The following TMEM86A variants were observed in gnomAD, a reference collection of about 807,000 sequenced individuals.
TMEM86A encodes lysoplasmalogenase TMEM86A.
TMEM86A carries 13 observed loss-of-function variants against 19.8 expected under a neutral mutation model. The observed-to-expected ratio is 0.66, with a 90% confidence interval of 0.43 to 1.04. The LOEUF is 1.04. Among genes scored for constraint, TMEM86A ranks in the 50% least tolerant of loss-of-function variants. The pLI is 0.00. For missense variants in TMEM86A, 248 were observed against 306.8 expected (o/e 0.81, Z 1.43); for synonymous variants, 128 against 129.9 (o/e 0.99, Z 0.10).
At chr11:18,700,493 C>A in intron 1 of TMEM86A, 1 of 180,866 alleles carries the variant, frequency 5.5e-6, no homozygotes, top group Non-Finnish European at 1.2e-5. Flanking sequence ...CTGGCACACA[C>A]CTGGTGTTGC....
Position 18,701,097 on chromosome 11 carries a change from GCT to G in TMEM86A, c.187_188del (p.Leu63GlyfsTer19). The G allele has an allele frequency of 6.2e-7, 1 of 1,614,104 alleles. No homozygotes were observed. Among genetic ancestry groups the G allele is most frequent in the Non-Finnish European group, 8.5e-7 (1 of 1,180,038 alleles). On this transcript the variant is annotated frameshift_variant, in exon 2 of 3. Coordinates refer to ENST00000280734, the MANE Select transcript of TMEM86A (RefSeq NM_153347.3). LOFTEE classifies it high-confidence loss of function. This position sits in a 1 kb window ranked among gnomAD's most constrained non-coding sequence, Gnocchi z 5.3. ...FLLAHGLGFLLAHPSATRIFV... is the reference protein window; with the variant it reads ...FLLAHGLGFLXAHPSATRIFV... ...TTCTGGCCCATGGCCTGGGATTCCT[GCT>G]GGCCCACCCCAGCGCCACCCGCATC...
Position 18,703,811 on chromosome 11 carries a change from G to C in TMEM86A, c.*1802G>C, listed in dbSNP as rs943484609. ...TTTTACAGAGATTCCTGGTAAGGGG[G>C]TAGTGAAGGAATAATGAGAGAAGGC... On this transcript the variant is annotated 3_prime_UTR_variant, in exon 3 of 3. Transcript: ENST00000280734. 3.3e-5 allele frequency: 5 copies of C among 152,192 alleles called. No homozygotes were observed. Among genetic ancestry groups the C allele is most frequent in the Non-Finnish European group, 5.9e-5 (4 of 68,028 alleles). The allele number at this position is 152,192 out of a possible 1,614,324, so 9.4% of individuals were successfully genotyped here. A position where few individuals can be genotyped will look rare whatever the true frequency, so the allele number is the denominator to read the frequency against.
In TMEM86A at chr11:18,701,217, G is replaced by A. The variant is rs1421670064; in HGVS notation, c.286+20G>A. 10 of 1,609,068 alleles carry A rather than the reference G, an allele frequency of 6.2e-6. No homozygotes were observed. Among genetic ancestry groups the A allele is most frequent in the Non-Finnish European group, 8.5e-6 (10 of 1,176,904 alleles). On this transcript the variant is annotated intron_variant, in intron 2 of 2. Transcript: ENST00000280734. This position sits in a 1 kb window ranked among gnomAD's most constrained non-coding sequence, Gnocchi z 5.3. ...TGCATGGTCAGTGGCCATAGTAGTT[G>A]CCTGGGAGGAGTCCTGGGGCTGGGG... is the stretch of plus-strand genomic sequence containing the variant.
At chr11:18,700,020 C>G (rs915613651) in intron 1 of TMEM86A, 14 of 152,396 alleles carry the variant, frequency 9.2e-5, no homozygotes, top group African/African-American at 3.1e-4. Context: ...CCCCCTCCCC[C>G]AGCTTGGACT....
intron 1 of TMEM86A, chr11:18,700,634 G>A (rs72880713): frequency 6.3e-6 from 3 of 477,082 alleles, no homozygotes; most frequent in Non-Finnish European, 1.1e-5. Flanking sequence ...TGGCAGAGAG[G>A]AGGGGCTAAA....
rs1438122068 is a variant in TMEM86A, at chr11:18,699,798, A to G, written c.21+891A>G. The G allele has an allele frequency of 6.6e-6, 1 of 152,314 alleles. No individual in the cohort carries two copies. The highest frequency in any genetic ancestry group is 1.5e-5 in the Non-Finnish European group (1 of 68,204). 9.4% of individuals were successfully genotyped at this position (152,314 alleles called of 1,614,324 possible). On this transcript the variant is annotated intron_variant, in intron 1 of 2. Transcript: ENST00000280734. This position sits in a 1 kb window ranked among gnomAD's most constrained non-coding sequence, Gnocchi z 4.0. ...CCGCCTCTTCCCAATCCTCCTCATC[A>G]CAGTCTGATCAGTCCTTAGGTACCT...
chr11:18,702,324 C>T lies in TMEM86A; in HGVS notation c.*315C>T, dbSNP rs910671718. Reference sequence around the variant, plus strand: ...TGGTGCTCAGCTTCTTGACACCCCCCCACCCACTTCCCCTACCAGGTGGAA... The same window carrying T: ...TGGTGCTCAGCTTCTTGACACCCCCTCACCCACTTCCCCTACCAGGTGGAA... On this transcript the variant is annotated 3_prime_UTR_variant, in exon 3 of 3. Coordinates refer to ENST00000280734, the MANE Select transcript of TMEM86A (RefSeq NM_153347.3). 10 of 408,312 alleles carry T rather than the reference C, an allele frequency of 2.4e-5. No homozygotes were observed. The highest frequency in any genetic ancestry group is 2.0e-4 in the African/African-American group (10 of 49,430). The allele number at this position is 408,312 out of a possible 1,614,324, so 25.3% of individuals were successfully genotyped here.
In TMEM86A at chr11:18,701,799, C is replaced by T. The variant is rs755020443; in HGVS notation, c.513C>T (p.Asp171=). Residue 171 remains aspartate, a synonymous_variant, in exon 3 of 3, where the codon GAC becomes GAT. Transcript: ENST00000280734. This position sits in a 1 kb window ranked among gnomAD's most constrained non-coding sequence, Gnocchi z 5.3. ...AMAGLRLAGA[D]WRWTELAAGS... ...CAGGGCTGCGGCTGGCCGGGGCAGA[C>T]TGGCGCTGGACAGAGCTGGCAGCTG... 1 of 1,614,156 alleles carries T rather than the reference C, an allele frequency of 6.2e-7. No homozygotes were observed. Among genetic ancestry groups the T allele is most frequent in the East Asian group, 2.2e-5 (1 of 44,888 alleles).
chr11:18,703,900 T>G lies in TMEM86A; in HGVS notation c.*1891T>G, dbSNP rs1383646938. The G allele has an allele frequency of 6.6e-6, 1 of 152,328 alleles. No homozygotes were observed. Among genetic ancestry groups the G allele is most frequent in the Non-Finnish European group, 1.5e-5 (1 of 68,160 alleles). 9.4% of individuals were successfully genotyped at this position (152,328 alleles called of 1,614,324 possible). A position where few individuals can be genotyped will look rare whatever the true frequency, so the allele number is the denominator to read the frequency against. Reference sequence around the variant, plus strand: ...GCTTCTTAGGTTGTGTTTTTTTTTGTTTTGTTTTGTTTTGGAAGGATTCCA... The same window carrying G: ...GCTTCTTAGGTTGTGTTTTTTTTTGGTTTGTTTTGTTTTGGAAGGATTCCA... On this transcript the variant is annotated 3_prime_UTR_variant, in exon 3 of 3. Transcript: ENST00000280734.
rs757673198 is a variant in TMEM86A at position 18,701,209 on chromosome 11, T to C, written c.286+12T>C. 8 of 1,611,150 alleles carry C rather than the reference T, an allele frequency of 5.0e-6. No homozygotes were observed. Among genetic ancestry groups the C allele is most frequent in the Non-Finnish European group, 5.9e-6 (7 of 1,178,278 alleles). On this transcript the variant is annotated intron_variant, in intron 2 of 2. Coordinates refer to ENST00000280734, the MANE Select transcript of TMEM86A (RefSeq NM_153347.3). This position sits in a 1 kb window ranked among gnomAD's most constrained non-coding sequence, Gnocchi z 5.3. ...ATACTTCGTGCATGGTCAGTGGCCA[T>C]AGTAGTTGCCTGGGAGGAGTCCTGG...
chr11:18,704,307 C>T lies in TMEM86A; in HGVS notation c.*2298C>T, dbSNP rs1848179449. On this transcript the variant is annotated 3_prime_UTR_variant, in exon 3 of 3. Transcript: ENST00000280734. The stretch of plus-strand genomic sequence containing the variant: ...CCCTGCTGTATATCACCCTCAGGAA[C>T]GGGAAAGGATGAGTTACGTTTATTG... 13 of 620,876 alleles carry T rather than the reference C, an allele frequency of 2.1e-5. No individual in the cohort carries two copies. Among genetic ancestry groups the T allele is most frequent in the South Asian group, 5.4e-5 (3 of 55,416 alleles). 38.5% of individuals were successfully genotyped at this position (620,876 alleles called of 1,614,324 possible).
At position 18,701,428 on chromosome 11, in the gene TMEM86A, A is replaced by G; in HGVS notation, c.287-145A>G. ...CTGGGGTGGTGGTCTTTAACTTTAGATCTTCCTACCCCTGTTATCCCAAAG... is the reference window on the plus strand; with the variant it reads ...CTGGGGTGGTGGTCTTTAACTTTAGGTCTTCCTACCCCTGTTATCCCAAAG... On this transcript the variant is annotated intron_variant, in intron 2 of 2. Transcript: ENST00000280734. This position sits in a 1 kb window ranked among gnomAD's most constrained non-coding sequence, Gnocchi z 5.3. 9.6e-7 allele frequency: 1 copy of G among 1,043,204 alleles called. No homozygotes were observed. Among genetic ancestry groups the G allele is most frequent in the Non-Finnish European group, 1.4e-6 (1 of 726,476 alleles). 64.6% of individuals were successfully genotyped at this position (1,043,204 alleles called of 1,614,324 possible).
rs1254647191 is a variant in TMEM86A at position 18,702,051 on chromosome 11, G to A, written c.*42G>A. On this transcript the variant is annotated 3_prime_UTR_variant, in exon 3 of 3. Transcript: ENST00000280734. Reference sequence around the variant, plus strand: ...CACCCCTCTCTCCTCCTGGGGCTGGGGCCCAGATCCTGGGGACCTGCAGGA... The same window carrying A: ...CACCCCTCTCTCCTCCTGGGGCTGGAGCCCAGATCCTGGGGACCTGCAGGA... The A allele has an allele frequency of 6.3e-7, 1 of 1,586,156 alleles. No homozygotes were observed. Among genetic ancestry groups the A allele is most frequent in the Non-Finnish European group, 8.5e-7 (1 of 1,169,824 alleles).
In TMEM86A at chr11:18,698,884, G is replaced by GC; in HGVS notation, c.-1dup. ...CAGGGTGCCAGCCGCCGCCGCCGCC[G>GC]CCATGGTGTCCCCGGTCACTGTGGT... On this transcript the variant is annotated 5_prime_UTR_variant, in exon 1 of 3. Coordinates refer to ENST00000280734, the MANE Select transcript of TMEM86A (RefSeq NM_153347.3). 1.5e-6 allele frequency: 1 copy of GC among 680,272 alleles called. No individual in the cohort carries two copies. 42.1% of individuals were successfully genotyped at this position (680,272 alleles called of 1,614,324 possible).
chr11:18,704,175 C>T lies in TMEM86A; in HGVS notation c.*2166C>T. ...TGGAGGAGGGGAAGGGAAGACCAGGCCCAGTCACAAGAAGGCTGGTCACTG... is the reference window on the plus strand; with the variant it reads ...TGGAGGAGGGGAAGGGAAGACCAGGTCCAGTCACAAGAAGGCTGGTCACTG... On this transcript the variant is annotated 3_prime_UTR_variant, in exon 3 of 3. Transcript: ENST00000280734. 1 of 347,748 alleles carries T rather than the reference C, an allele frequency of 2.9e-6. No individual in the cohort carries two copies. 21.5% of individuals were successfully genotyped at this position (347,748 alleles called of 1,614,324 possible). A position where few individuals can be genotyped will look rare whatever the true frequency, so the allele number is the denominator to read the frequency against.
rs1240513633 is a variant in TMEM86A at position 18,702,169 on chromosome 11, C to G, written c.*160C>G. On this transcript the variant is annotated 3_prime_UTR_variant, in exon 3 of 3. Coordinates refer to ENST00000280734, the MANE Select transcript of TMEM86A (RefSeq NM_153347.3). ...TGTGGGGAGGCTGGAAAAGGATCTC[C>G]CTAGCAGAACTCGTGGTTCAGGACA... The G allele has an allele frequency of 1.3e-5, 9 of 697,132 alleles. No homozygotes were observed. Among genetic ancestry groups the G allele is most frequent in the Non-Finnish European group, 2.1e-5 (9 of 421,510 alleles). 43.2% of individuals were successfully genotyped at this position (697,132 alleles called of 1,614,324 possible).
rs534168947 is a variant in TMEM86A, at chr11:18,701,357, G to A, written c.286+160G>A. 2.6e-5 allele frequency among the ~76,000 whole-genome samples: 4 copies of A among 152,224 alleles called. No homozygotes were observed. The highest frequency in any genetic ancestry group is 5.9e-5 in the Non-Finnish European group (4 of 68,004). Reference sequence around the variant, plus strand: ...ACTGTGAGGGTCCTTGTTAGGGGATGACCTCGCAGGGGAACTAGTGATCAG... The same window carrying A: ...ACTGTGAGGGTCCTTGTTAGGGGATAACCTCGCAGGGGAACTAGTGATCAG... On this transcript the variant is annotated intron_variant, in intron 2 of 2. Transcript: ENST00000280734. The surrounding 1 kb of genome is among the most constrained non-coding windows in gnomAD (Gnocchi z 5.3).
At position 18,702,021 on chromosome 11, in the gene TMEM86A, C is replaced by T; in HGVS notation, c.*12C>T. ...CCAAGGCCAACTGAGGTGCCAGGGT[C>T]TGGTCACCCCTCTCTCCTCCTGGGG... On this transcript the variant is annotated 3_prime_UTR_variant, in exon 3 of 3. Transcript: ENST00000280734. The T allele has an allele frequency of 1.2e-6, 2 of 1,600,258 alleles. No individual in the cohort carries two copies. Among genetic ancestry groups the T allele is most frequent in the Non-Finnish European group, 1.7e-6 (2 of 1,178,226 alleles).
Position 18,699,321 on chromosome 11 carries a change from A to G in TMEM86A, c.21+414A>G, listed in dbSNP as rs965340024. ...GGGACCTCCTGGGAATGCCGTCCCA[A>G]GTTTGTTTCCTAACCTTCCTCATTT... On this transcript the variant is annotated intron_variant, in intron 1 of 2. Coordinates refer to ENST00000280734, the MANE Select transcript of TMEM86A (RefSeq NM_153347.3). This position sits in a 1 kb window ranked among gnomAD's most constrained non-coding sequence, Gnocchi z 4.0. Among the ~76,000 whole-genome samples the G allele has an allele frequency of 3.3e-5, 5 of 152,232 alleles. No individual in the cohort carries two copies. Among genetic ancestry groups the G allele is most frequent in the Middle Eastern group, 3.2e-3 (1 of 316 alleles).
Sources: gnomAD v4.1 joint callset for allele counts (sites outside exome capture counted in the v4.1 genomes callset) on GRCh38, gnomAD v4.1.1 for gene constraint, Gnocchi (gnomAD v3.1) non-coding constraint, MANE v1.5 for transcripts, NCBI Gene and HGNC (gene_info 2026-07-23, HGNC 2026-07-21) for gene names.